Variants in P2RY8 observed in about 807,000 individuals in gnomAD.
P2RY8 encodes S-geranylgeranyl-glutathione receptor P2RY8.
In P2RY8, 6 loss-of-function variants were observed where a neutral mutation model predicts 10.0. The ratio of observed to expected loss-of-function variants is 0.60; its 90% CI spans 0.33 to 1.19. P2RY8 has a LOEUF of 1.19. P2RY8 is among the 50% of genes most tolerant of loss of function. P2RY8 has a pLI of 0.04. For synonymous variants in P2RY8, 276 were observed against 252.5 expected (o/e 1.09, Z -0.88); for missense variants, 456 against 542.0 (o/e 0.84, Z 1.58).
At chrX:1,500,065 AG>A (rs1569537686) in intron 1 of P2RY8, among the ~76,000 whole-genome samples, 1 of 145,308 alleles carries the variant, frequency 6.9e-6, no homozygotes, top group Admixed American at 7.2e-5. Context: ...TCACCGTGTT[AG>A]CCAGGATGGT....
At chrX:1,510,313 A>C (rs1212180315) in intron 1 of P2RY8, among the ~76,000 whole-genome samples, 1 of 152,180 alleles carries the variant, frequency 6.6e-6, no homozygotes, top group Non-Finnish European at 1.5e-5. Context: ...GCTGCGAGGA[A>C]CACCACCAGT....
chrX:1,518,889 T>A (rs2092370738), intron 1 of P2RY8, among the ~76,000 whole-genome samples: 1 of 152,088 alleles, frequency 6.6e-6, no homozygotes, highest in African/African-American at 2.4e-5. Context: ...TTTTATCTGG[T>A]CTGCAATAAT....
At chrX:1,521,920 G>A (rs2092394658) in intron 1 of P2RY8, among the ~76,000 whole-genome samples, 1 of 115,300 alleles carries the variant, frequency 8.7e-6, no homozygotes, top group Admixed American at 9.1e-5. Context: ...TTTTTCTTAT[G>A]TCTTTCTCTT....
intron 1 of P2RY8, among the ~76,000 whole-genome samples, chrX:1,503,438 T>C (rs1225878395): frequency 2.0e-5 from 3 of 152,328 alleles, no homozygotes; most frequent in Non-Finnish European, 2.9e-5. Flanking sequence ...GCAGGCACTT[T>C]CTGACATGCC....
chrX:1,495,145 C>T (rs1569537473), intron 1 of P2RY8, among the ~76,000 whole-genome samples: 1 of 152,120 alleles, frequency 6.6e-6, no homozygotes, highest in Non-Finnish European at 1.5e-5. Context: ...ATTGAACTCA[C>T]ACCACTGCAC....
intron 1 of P2RY8, among the ~76,000 whole-genome samples, chrX:1,528,556 C>G (rs1331605256): frequency 1.3e-5 from 2 of 152,244 alleles, no homozygotes; most frequent in African/African-American, 4.8e-5. Context: ...TTCCAAGAGG[C>G]TGGCTCTGGT....
At chrX:1,474,343 G>GTGGATGGATGGATGGA (rs779596494) in intron 1 of P2RY8, among the ~76,000 whole-genome samples, 79 of 120,996 alleles carry the variant, frequency 6.5e-4, no homozygotes, top group South Asian at 1.1e-3. Flanking sequence ...GTATGGGTGT[G>GTGGATGGATGGATGGA]TGGATGGATG....
intron 1 of P2RY8, among the ~76,000 whole-genome samples, chrX:1,470,277 C>T (rs1244286735): frequency 6.6e-6 from 1 of 151,982 alleles, no homozygotes; most frequent in Admixed American, 6.6e-5. Context: ...TTTGGGAGGC[C>T]GAGGCAGGTG....
rs2091626776 is a variant in P2RY8, at chrX:1,464,080, G to A, written c.*1399C>T. 2 of 233,190 alleles carry A rather than the reference G, an allele frequency of 8.6e-6. No homozygotes were observed. The highest frequency in any genetic ancestry group is 1.1e-4 in the Admixed American group (2 of 17,760). The allele number at this position is 233,190 out of a possible 1,614,324, so 14.4% of individuals were successfully genotyped here. A position where few individuals can be genotyped will look rare whatever the true frequency, so the allele number is the denominator to read the frequency against. On this transcript the variant is annotated 3_prime_UTR_variant, in exon 2 of 2. Transcript: ENST00000381297. ...CGAACAGCAGCTTCAGCCTCCATCAGCGTCCCCAGTGCACAGAAAGGGAGG... is the reference window on the plus strand; with the variant it reads ...CGAACAGCAGCTTCAGCCTCCATCAACGTCCCCAGTGCACAGAAAGGGAGG...
chrX:1,488,369 C>T (rs1375911918), intron 1 of P2RY8, among the ~76,000 whole-genome samples: 4 of 152,184 alleles, frequency 2.6e-5, no homozygotes, highest in African/African-American at 7.2e-5. Flanking sequence ...TGTGCTTATG[C>T]CAGTTTCCTT....
chrX:1,465,399 A>G lies in P2RY8; in HGVS notation c.*80T>C. ...GGAGCAACGCAGCTGTTCTCCCTGA[A>G]CCTCTGGCACCGTGGCCTCTCCATG... On this transcript the variant is annotated 3_prime_UTR_variant, in exon 2 of 2. Coordinates refer to ENST00000381297, the MANE Select transcript of P2RY8 (RefSeq NM_178129.5). 1 of 1,516,712 alleles carries G rather than the reference A, an allele frequency of 6.6e-7. No homozygotes were observed. The highest frequency in any genetic ancestry group is 1.3e-5 in the South Asian group (1 of 76,378). 94.0% of individuals were successfully genotyped at this position (1,516,712 alleles called of 1,614,324 possible). A position where few individuals can be genotyped will look rare whatever the true frequency, so the allele number is the denominator to read the frequency against.
At chrX:1,480,149 A>G (rs2091917944) in intron 1 of P2RY8, among the ~76,000 whole-genome samples, 1 of 152,288 alleles carries the variant, frequency 6.6e-6, no homozygotes, top group Admixed American at 6.5e-5. Flanking sequence ...AATTTCACCA[A>G]TATGTGCTTA....
rs1318193075 is a variant in P2RY8, at chrX:1,478,272, T to TGTGTGTGTGTGTGTGTGTGTGC, written c.-24-11691_-24-11690insGCACACACACACACACACACAC. ...GTATGTGTGTGTGTGTGTGTGTGTG[T>TGTGTGTGTGTGTGTGTGTGTGC]GCCCAGCAGGGAAGCAGAAATTATT... On this transcript the variant is annotated intron_variant, in intron 1 of 1. Transcript: ENST00000381297. 4.0e-3 allele frequency among the ~76,000 whole-genome samples: 411 copies of TGTGTGTGTGTGTGTGTGTGTGC among 103,992 alleles called. 4 individuals are homozygous for TGTGTGTGTGTGTGTGTGTGTGC. The highest frequency in any genetic ancestry group is 9.0e-3 in the African/African-American group (286 of 31,616). 68.2% of individuals were successfully genotyped at this position (103,992 alleles called of 152,430 possible). A position where few individuals can be genotyped will look rare whatever the true frequency, so the allele number is the denominator to read the frequency against.
At chrX:1,505,302 T>C (rs2092222027) in intron 1 of P2RY8, among the ~76,000 whole-genome samples, 1 of 152,168 alleles carries the variant, frequency 6.6e-6, no homozygotes, top group South Asian at 2.1e-4. Context: ...ATCTTTATCT[T>C]TCTGAGAAGG....
At position 1,476,294 on chromosome X, in the gene P2RY8, C is replaced by T. The variant is rs139639033; in HGVS notation, c.-24-9712G>A. On this transcript the variant is annotated intron_variant, in intron 1 of 1. Transcript: ENST00000381297. ...ATATCGATTTAGAAATATAATGGGT[C>T]GGCTGGGCACGGTGGCTCATGTCTG... Among the ~76,000 whole-genome samples the T allele has an allele frequency of 1.8e-3, 269 of 151,874 alleles. 2 individuals are homozygous for T. Among genetic ancestry groups the T allele is most frequent in the African/African-American group, 6.3e-3 (261 of 41,420 alleles).
intron 1 of P2RY8, among the ~76,000 whole-genome samples, chrX:1,534,496 C>T (rs2092510243): frequency 6.6e-6 from 1 of 151,900 alleles, no homozygotes; most frequent in Admixed American, 6.6e-5. Context: ...CTCCCAGGGG[C>T]CGTGCAGAAT....
intron 1 of P2RY8, among the ~76,000 whole-genome samples, chrX:1,494,559 C>T (rs1469955050): frequency 6.6e-6 from 1 of 152,004 alleles, no homozygotes; most frequent in Non-Finnish European, 1.5e-5. Flanking sequence ...AGTTTGGCCT[C>T]CATGTATGCG....
chrX:1,518,065 T>C (rs78942902), intron 1 of P2RY8, among the ~76,000 whole-genome samples: 133,915 of 150,622 alleles, frequency 0.89, 59,659 homozygotes, highest in East Asian at 1. Context: ...GCCGAGATTT[T>C]GTCACTGCAC....
chrX:1,507,967 C>A, intron 1 of P2RY8, among the ~76,000 whole-genome samples: 1 of 152,210 alleles, frequency 6.6e-6, no homozygotes, highest in Middle Eastern at 3.4e-3. Context: ...GGACCCACAC[C>A]GCCATCCCTC....
Sources: gnomAD v4.1 joint callset for allele counts (sites outside exome capture counted in the v4.1 genomes callset) on GRCh38, gnomAD v4.1.1 for gene constraint, MANE v1.5 for transcripts, NCBI Gene and HGNC (gene_info 2026-07-23, HGNC 2026-07-21) for gene names.